FOCAD: variants seen among roughly 807,000 people sequenced by gnomAD.
The protein encoded by FOCAD is KIAA1797.
In FOCAD, 198 loss-of-function variants were observed where a neutral mutation model predicts 225.6. That is an observed-to-expected ratio of 0.88 (90% CI 0.78 to 0.99). FOCAD has a LOEUF of 0.99. FOCAD is among the 50% of genes least tolerant of loss of function. The pLI is 0.00. For synonymous variants in FOCAD, 897 were observed against 755.0 expected (o/e 1.19, Z -3.08); for missense variants, 2,713 against 2,123.6 (o/e 1.28, Z -5.46).
intron 15 of FOCAD, among the ~76,000 whole-genome samples, chr9:20,835,846 C>T (rs1468434573): frequency 6.6e-6 from 1 of 151,958 alleles, no homozygotes; most frequent in Admixed American, 6.6e-5. Flanking sequence ...TTGCCCAGCT[C>T]CAAGAGGGTG....
intron 15 of FOCAD, among the ~76,000 whole-genome samples, chr9:20,846,671 T>C (rs971867059): frequency 2.0e-5 from 3 of 152,072 alleles, no homozygotes; most frequent in African/African-American, 7.2e-5. Context: ...TTGATTAATG[T>C]AGAAAGTAGA....
intron 15 of FOCAD, among the ~76,000 whole-genome samples, chr9:20,857,095 T>G (rs1196787882): frequency 6.6e-6 from 1 of 152,090 alleles, no homozygotes; most frequent in Non-Finnish European, 1.5e-5. Context: ...CTGTATAAAT[T>G]TTAGCATTAT....
At chr9:20,878,454 G>C (rs1830405649) in intron 19 of FOCAD, among the ~76,000 whole-genome samples, 1 of 152,140 alleles carries the variant, frequency 6.6e-6, no homozygotes, top group Non-Finnish European at 1.5e-5. Flanking sequence ...TTCTGCTTTT[G>C]CTGCATCAAT....
chr9:20,782,601 G>C (rs1352747742), intron 10 of FOCAD, among the ~76,000 whole-genome samples: 5 of 151,996 alleles, frequency 3.3e-5, no homozygotes, highest in Non-Finnish European at 7.4e-5. Context: ...GACTTTTTTT[G>C]TTTTGATATT....
chr9:20,740,302 A>G lies in FOCAD; in HGVS notation c.354A>G (p.Gln118=). ...AAATGCAAGCTCTTAAGGAAGGACA[A>G]GGTGGGGAAAAGAATATTCAGAGTA... ...LLQMQALKEG[Q]GGEKNIQSIY... The change falls in exon 5 of 44, where the codon CAA becomes CAG. Residue 118 remains glutamine, a synonymous_variant. Coordinates refer to ENST00000338382, the MANE Select transcript of FOCAD (RefSeq NM_001375567.1). 1 of 1,611,962 alleles carries G rather than the reference A, an allele frequency of 6.2e-7. No individual in the cohort carries two copies. The highest frequency in any genetic ancestry group is 1.3e-5 in the African/African-American group (1 of 74,972).
At position 20,781,754 on chromosome 9, in the gene FOCAD, A is replaced by G. The variant is rs976817933; in HGVS notation, c.1022A>G (p.Asp341Gly). The G allele has an allele frequency of 6.2e-7, 1 of 1,613,896 alleles. No homozygotes were observed. The highest frequency in any genetic ancestry group is 1.3e-5 in the African/African-American group (1 of 75,040). Residue 341 changes from aspartate (D) to glycine (G), a missense_variant, in exon 10 of 44, where the codon GAT becomes GGT. Asp to Gly is a moderately conservative substitution (Grantham distance 94). Transcript: ENST00000338382. ...LALKLLSVTE[D>G]QKIPKSSLLL... ...TTGAAGCTCCTCTCTGTTACTGAGG[A>G]TCAGAAAATCCCAAAGTCCTCTCTG... is the stretch of plus-strand genomic sequence containing the variant.
chr9:20,857,275 C>A (rs932161206), intron 15 of FOCAD, among the ~76,000 whole-genome samples: 3 of 151,842 alleles, frequency 2.0e-5, no homozygotes, highest in African/African-American at 7.2e-5. Context: ...TTTCCTTCAT[C>A]AATGTTTCAT....
At chr9:20,829,011 C>G (rs1210056692) in intron 15 of FOCAD, among the ~76,000 whole-genome samples, 1 of 152,074 alleles carries the variant, frequency 6.6e-6, no homozygotes, top group South Asian at 2.1e-4. Flanking sequence ...TGTATATGTA[C>G]CACATTTTCT....
intron 21 of FOCAD, 44 bp downstream of exon 21, chr9:20,885,274 C>A (rs750743413): frequency 2.9e-6 from 4 of 1,367,096 alleles, no homozygotes; most frequent in South Asian, 2.1e-5. Flanking sequence ...TGTTTTCTCC[C>A]TTCATGATAT....
chr9:20,748,124 T>A (rs529273078), intron 5 of FOCAD, among the ~76,000 whole-genome samples: 2 of 152,230 alleles, frequency 1.3e-5, no homozygotes, highest in African/African-American at 4.8e-5. Context: ...TGTTTGGTTT[T>A]ACTTAGCATA....
At chr9:20,948,186 G>T in intron 30 of FOCAD, 85 bp from the exon 31 acceptor site, 2 of 1,244,040 alleles carry the variant, frequency 1.6e-6, no homozygotes, top group Non-Finnish European at 2.2e-6. Flanking sequence ...AGCACTAAAA[G>T]TGTTTATGTT....
chr9:20,758,943 A>T lies in FOCAD; in HGVS notation c.494+752A>T, dbSNP rs535781390. On this transcript the variant is annotated intron_variant, in intron 6 of 43. Transcript: ENST00000338382. ...GTCTCAGGATACAAACTCAATGTACAAAAATCACAAGCATTCTTATACACC... is the reference window on the plus strand; with the variant it reads ...GTCTCAGGATACAAACTCAATGTACTAAAATCACAAGCATTCTTATACACC... 2.0e-5 allele frequency among the ~76,000 whole-genome samples: 3 copies of T among 152,302 alleles called. No homozygotes were observed. The South Asian group carries it at 6.2e-4, about 32-fold the overall frequency.
chr9:20,776,325 C>T (rs1014487505), intron 8 of FOCAD, among the ~76,000 whole-genome samples: 4 of 152,134 alleles, frequency 2.6e-5, no homozygotes, highest in African/African-American at 9.7e-5. Context: ...CAGGGGAGAA[C>T]CATTAGGTTG....
chr9:20,764,320 C>A (rs997027921), intron 6 of FOCAD, among the ~76,000 whole-genome samples: 3 of 152,170 alleles, frequency 2.0e-5, no homozygotes, highest in Non-Finnish European at 4.4e-5. Context: ...GTGGAGCAAT[C>A]TTGGCTCACT....
At chr9:20,903,080 G>T (rs1234188890) in intron 21 of FOCAD, among the ~76,000 whole-genome samples, 1 of 151,694 alleles carries the variant, frequency 6.6e-6, no homozygotes, top group Non-Finnish European at 1.5e-5. Context: ...CCAGCACCAC[G>T]GTCAAGATGA....
intron 18 of FOCAD, among the ~76,000 whole-genome samples, chr9:20,870,622 C>T (rs1587459224): frequency 6.6e-6 from 1 of 152,164 alleles, no homozygotes; most frequent in East Asian, 1.9e-4. Context: ...TCTTGTGATG[C>T]TAGGCAACAG....
intron 11 of FOCAD, among the ~76,000 whole-genome samples, chr9:20,793,077 C>T (rs569092992): frequency 2.6e-5 from 4 of 152,266 alleles, no homozygotes; most frequent in South Asian, 2.1e-4. Context: ...TGAAGTCAGT[C>T]GGCTACCTGT....
Position 20,912,896 on chromosome 9 carries a change from A to G in FOCAD, c.2749A>G (p.Lys917Glu). Residue 917 changes from lysine to glutamate, a missense_variant, in exon 23 of 44, where the codon AAA (lysine) becomes GAA (glutamate). Physicochemically the swap from Lys to Glu is moderately conservative, Grantham distance 56 (BLOSUM62 1). Transcript: ENST00000338382. ...ACTAGGAGAGCTGGAGTTGCAGTTAAAACATGGAAAAGAAGAACCTGAGGA... is the reference window on the plus strand; with the variant it reads ...ACTAGGAGAGCTGGAGTTGCAGTTAGAACATGGAAAAGAAGAACCTGAGGA... The part of the protein sequence containing the change: ...GRLGELELQL[K>E]HGKEEPEEVQ... 1.2e-6 allele frequency: 2 copies of G among 1,613,440 alleles called. No homozygotes were observed. The highest frequency in any genetic ancestry group is 2.2e-5 in the South Asian group (2 of 91,052).
chr9:20,775,210 T>A (rs1049504064), intron 8 of FOCAD, among the ~76,000 whole-genome samples: 1 of 152,230 alleles, frequency 6.6e-6, no homozygotes, highest in Non-Finnish European at 1.5e-5. Context: ...TCGGTCTTAG[T>A]TGAGCCATTT....
Sources: gnomAD v4.1 joint callset for allele counts (sites outside exome capture counted in the v4.1 genomes callset) on GRCh38, gnomAD v4.1.1 for gene constraint, MANE v1.5 for transcripts, NCBI Gene and HGNC (gene_info 2026-07-23, HGNC 2026-07-21) for gene names.